The following CLPTM1L variants were observed in gnomAD, a reference collection of about 807,000 sequenced individuals.
The protein encoded by CLPTM1L is CLPTM1 like.
Under a neutral mutation model 70.9 loss-of-function variants are expected in CLPTM1L, and 38 were observed. That is an observed-to-expected ratio of 0.54 (90% CI 0.41 to 0.70). The LOEUF is 0.70. Ranked by LOEUF, CLPTM1L falls within the 30% of genes least tolerant of loss-of-function variation. CLPTM1L has a pLI of 0.00. For missense variants in CLPTM1L, 652 were observed against 705.9 expected (o/e 0.92, Z 0.87); for synonymous variants, 339 against 299.9 (o/e 1.13, Z -1.35).
intron 15 of CLPTM1L, among the ~76,000 whole-genome samples, chr5:1,320,960 G>A (rs2126717892): frequency 6.6e-6 from 1 of 152,378 alleles, no homozygotes; most frequent in African/African-American, 2.4e-5. Context: ...GTCTTGCCCA[G>A]GCTCCCACAT....
rs1211099142 is a variant in CLPTM1L at position 1,330,392 on chromosome 5, A to G, written c.977-9T>C. 6.2e-7 allele frequency: 1 copy of G among 1,611,596 alleles called. No individual in the cohort carries two copies. Among genetic ancestry groups the G allele is most frequent in the Admixed American group, 1.7e-5 (1 of 60,010 alleles). On this transcript the variant is annotated splice_polypyrimidine_tract_variant and intron_variant, in intron 8 of 16. Transcript: ENST00000320895. ...GAAGCAGCGCCAGAGCACTGGGGAC[A>G]GGATGGTCGGGCTGGGAGGGGGTGC... is the stretch of plus-strand genomic sequence containing the variant.
chr5:1,330,271 G>C lies in CLPTM1L; in HGVS notation c.1080+9C>G. On this transcript the variant is annotated intron_variant, in intron 9 of 16. Transcript: ENST00000320895. ...CCTCAGACAGTTCAGGTCACTGCCCGGAACTCACCTCAATGGCGGCTCCAA... is the reference window on the plus strand; with the variant it reads ...CCTCAGACAGTTCAGGTCACTGCCCCGAACTCACCTCAATGGCGGCTCCAA... 2 of 1,607,350 alleles carry C rather than the reference G, an allele frequency of 1.2e-6. No homozygotes were observed. The highest frequency in any genetic ancestry group is 1.1e-5 in the South Asian group (1 of 90,978).
In CLPTM1L at chr5:1,324,850, CAG is replaced by C. The variant is rs780628481; in HGVS notation, c.1147-39_1147-38del. 17 of 1,589,826 alleles carry C rather than the reference CAG, an allele frequency of 1.1e-5. No homozygotes were observed. In the Admixed American group the frequency reaches 2.8e-4, roughly 27 times the overall value. On this transcript the variant is annotated intron_variant, in intron 10 of 16. Coordinates refer to ENST00000320895, the MANE Select transcript of CLPTM1L (RefSeq NM_030782.5). The stretch of plus-strand genomic sequence containing the variant: ...TTCAACACAGTGATATTAATAGACT[CAG>C]GGAGGATCTGAGCACAGCTGAGCTG...
At chr5:1,321,590 G>A (rs1019383734) in intron 15 of CLPTM1L, 45 bp downstream of exon 15, 46 of 1,579,296 alleles carry the variant, frequency 2.9e-5, no homozygotes, top group Non-Finnish European at 3.7e-5. Context: ...CCTTGCTCAC[G>A]CTCTGCTCAG....
chr5:1,321,589 C>T (rs778464298), intron 15 of CLPTM1L, 46 bp downstream of exon 15: 9 of 1,575,728 alleles, frequency 5.7e-6, no homozygotes, highest in Middle Eastern at 1.7e-4. Flanking sequence ...CCCTTGCTCA[C>T]GCTCTGCTCA....
intron 1 of CLPTM1L, 79 bp downstream of exon 1, chr5:1,344,601 G>A (rs1754158405): frequency 4.7e-6 from 7 of 1,497,644 alleles, no homozygotes; most frequent in Non-Finnish European, 6.3e-6. Context: ...TCCGAACTGG[G>A]ACGGGAAGGC....
intron 12 of CLPTM1L, 129 bp from the exon 13 acceptor site, chr5:1,323,040 G>T: frequency 1.1e-6 from 1 of 893,732 alleles, no homozygotes; most frequent in Non-Finnish European, 1.8e-6. Context: ...CAGCTCGGCA[G>T]CCAAGAGCAG....
chr5:1,343,822 G>C (rs1754098861), intron 2 of CLPTM1L, among the ~76,000 whole-genome samples: 1 of 152,100 alleles, frequency 6.6e-6, no homozygotes, highest in Non-Finnish European at 1.5e-5. Context: ...ATATTTAAAA[G>C]TATACTTATT....
In CLPTM1L at chr5:1,324,756, G is replaced by A. The variant is rs1452018141; in HGVS notation, c.1197+7C>T. 1 of 1,613,784 alleles carries A rather than the reference G, an allele frequency of 6.2e-7. No homozygotes were observed. The highest frequency in any genetic ancestry group is 1.1e-5 in the South Asian group (1 of 91,070). ...CATGCACGTGCCCTGAATCACAAGT[G>A]ACTTACCTGAGTATCGTACTCCTCG... On this transcript the variant is annotated splice_region_variant and intron_variant, in intron 11 of 16. Transcript: ENST00000320895.
chr5:1,321,512 T>G, intron 15 of CLPTM1L, 123 bp downstream of exon 15: 1 of 850,764 alleles, frequency 1.2e-6, no homozygotes, highest in Non-Finnish European at 2.0e-6. Context: ...TATTCTTCAA[T>G]GAAAGGGACA....
chr5:1,327,578 C>T (rs878966310), intron 9 of CLPTM1L, among the ~76,000 whole-genome samples: 22 of 147,438 alleles, frequency 1.5e-4, no homozygotes, highest in African/African-American at 5.1e-4. Flanking sequence ...CAGGGACATT[C>T]CATCCAGCTC....
At chr5:1,321,325 C>T (rs975717803) in intron 15 of CLPTM1L, among the ~76,000 whole-genome samples, 25 of 152,250 alleles carry the variant, frequency 1.6e-4, no homozygotes, top group African/African-American at 5.5e-4. Flanking sequence ...TGTCCCCAGG[C>T]ACCGGTTACT....
intron 13 of CLPTM1L, 30 bp downstream of exon 13, chr5:1,322,847 G>A: frequency 1.2e-6 from 2 of 1,609,208 alleles, no homozygotes; most frequent in Non-Finnish European, 8.5e-7. Flanking sequence ...GGAAACACTA[G>A]TACTGAAGCA....
At chr5:1,344,264 C>T (rs1754130917) in intron 2 of CLPTM1L, 87 bp downstream of exon 2, 3 of 894,034 alleles carry the variant, frequency 3.4e-6, no homozygotes, top group Admixed American at 2.0e-5. Flanking sequence ...CTAAAATAAA[C>T]ATGTTATGTA....
chr5:1,328,966 CACATTTCATACAGCTCCTCCTCTACAGAG>C (rs1181110232), intron 9 of CLPTM1L, among the ~76,000 whole-genome samples: 7 of 151,804 alleles, frequency 4.6e-5, no homozygotes, highest in African/African-American at 1.7e-4. Flanking sequence ...CCTCTACAGA[CACATTTCATACAGCTCCTCCTCTACAGAG>C]ACATTGCATC....
At chr5:1,338,405 A>G in intron 4 of CLPTM1L, 1 of 252,464 alleles carries the variant, frequency 4.0e-6, no homozygotes, top group South Asian at 5.6e-5. Context: ...GTGGCGCAGG[A>G]GTTGGGGGGG....
intron 5 of CLPTM1L, 33 bp downstream of exon 5, chr5:1,337,871 G>A (rs746167621): frequency 6.5e-7 from 1 of 1,540,330 alleles, no homozygotes; most frequent in Non-Finnish European, 8.8e-7. Flanking sequence ...TGTCTCGCCA[G>A]CTGCACAACC....
chr5:1,339,299 T>G (rs973380007), intron 3 of CLPTM1L, among the ~76,000 whole-genome samples: 65 of 113,650 alleles, frequency 5.7e-4, no homozygotes, highest in East Asian at 2.2e-3. Context: ...CCACACAGAC[T>G]GGCAAACTGT....
At chr5:1,326,209 C>A (rs937176391) in intron 9 of CLPTM1L, 1 of 263,388 alleles carries the variant, frequency 3.8e-6, no homozygotes, top group Non-Finnish European at 7.3e-6. Flanking sequence ...AAGGCATCAC[C>A]CACGGAGCTC....
Sources: gnomAD v4.1 joint callset for allele counts (sites outside exome capture counted in the v4.1 genomes callset) on GRCh38, gnomAD v4.1.1 for gene constraint, MANE v1.5 for transcripts, NCBI Gene and HGNC (gene_info 2026-07-23, HGNC 2026-07-21) for gene names.